The following CASZ1 variants were observed in gnomAD, a reference collection of about 807,000 sequenced individuals.
The protein encoded by CASZ1 is zinc finger protein castor homolog 1.
A neutral mutation model predicts 135.2 loss-of-function variants in CASZ1; 28 were observed. The ratio of observed to expected loss-of-function variants is 0.21; its 90% CI spans 0.15 to 0.28. The LOEUF (loss-of-function observed/expected upper bound fraction) is 0.28, where lower values mean the gene tolerates loss of function less well. Among genes scored for constraint, CASZ1 ranks in the 10% least tolerant of loss-of-function variants. CASZ1 has a pLI of 1.00. For synonymous variants in CASZ1, 1,068 were observed against 1,073.4 expected (o/e 0.99, Z 0.10); for missense variants, 2,161 against 2,453.3 (o/e 0.88, Z 2.52).
chr1:10,666,835 ACTGT>A lies in CASZ1; in HGVS notation c.17-1268_17-1265del, dbSNP rs1033919895. On this transcript the variant is annotated intron_variant, in intron 4 of 20. Coordinates refer to ENST00000377022, the MANE Select transcript of CASZ1 (RefSeq NM_001079843.3). This position sits in a 1 kb window ranked among gnomAD's most constrained non-coding sequence, Gnocchi z 5.2. ...TGCACACACAGCGCAGCCACATGGA[ACTGT>A]CTGTCTGTCCGTCCATTTAGTGAGC... Among the ~76,000 whole-genome samples the A allele has an allele frequency of 3.5e-4, 53 of 152,298 alleles. No homozygotes were observed. The highest frequency in any genetic ancestry group is 2.3e-3 in the Admixed American group (35 of 15,302).
chr1:10,654,637 C>T, intron 9 of CASZ1, 46 bp from the exon 10 acceptor site: 1 of 1,589,874 alleles, frequency 6.3e-7, no homozygotes, highest in Middle Eastern at 1.7e-4. Context: ...GCCAGGTGCT[C>T]CTGGGCCGAG....
intron 9 of CASZ1, 23 bp downstream of exon 9, chr1:10,655,626 G>T (rs1367452168): frequency 1.3e-6 from 2 of 1,599,334 alleles, no homozygotes; most frequent in Non-Finnish European, 1.7e-6. Context: ...CAGCTGCCCA[G>T]TGGGCCCGGG....
chr1:10,717,452 A>G lies in CASZ1; in HGVS notation c.-76-11908T>C, dbSNP rs1194486943. ...TGTGGAGCTGAGTGGTGTGAGCCTC[A>G]CCCTGCTAAATAAAGCTTTGGTATT... On this transcript the variant is annotated intron_variant, in intron 2 of 20. Coordinates refer to ENST00000377022, the MANE Select transcript of CASZ1 (RefSeq NM_001079843.3). The surrounding 1 kb of genome is among the most constrained non-coding windows in gnomAD (Gnocchi z 4.6). 6.6e-6 allele frequency among the ~76,000 whole-genome samples: 1 copy of G among 151,732 alleles called. No homozygotes were observed. The highest frequency in any genetic ancestry group is 2.4e-5 in the African/African-American group (1 of 41,256).
intron 2 of CASZ1, among the ~76,000 whole-genome samples, chr1:10,750,027 G>A (rs142886976): frequency 1.3e-5 from 2 of 152,186 alleles, no homozygotes; most frequent in African/African-American, 4.8e-5. Flanking sequence ...TGGACAGCCG[G>A]CCTGTGTGCA....
At chr1:10,671,883 C>G (rs1643411459) in intron 4 of CASZ1, among the ~76,000 whole-genome samples, 1 of 152,230 alleles carries the variant, frequency 6.6e-6, no homozygotes, top group Non-Finnish European at 1.5e-5. Context: ...CAGAAACACC[C>G]TGCCTTTTCA....
At chr1:10,753,669 G>C (rs995210273) in intron 2 of CASZ1, among the ~76,000 whole-genome samples, 1 of 152,178 alleles carries the variant, frequency 6.6e-6, no homozygotes, top group Non-Finnish European at 1.5e-5. Flanking sequence ...AGAAGGACCG[G>C]GGAAAGGAGG....
At position 10,756,174 on chromosome 1, in the gene CASZ1, A is replaced by C. The variant is rs1242571847; in HGVS notation, c.-77+4527T>G. ...CCTGGGAGAGCCCCACCACTCCCGCAAGCCGCTGCCAGCCTGCACTTCTGC... is the reference window on the plus strand; with the variant it reads ...CCTGGGAGAGCCCCACCACTCCCGCCAGCCGCTGCCAGCCTGCACTTCTGC... On this transcript the variant is annotated intron_variant, in intron 2 of 20. Transcript: ENST00000377022. This position sits in a 1 kb window ranked among gnomAD's most constrained non-coding sequence, Gnocchi z 5.9. Among the ~76,000 whole-genome samples the C allele has an allele frequency of 6.6e-6, 1 of 152,000 alleles. No individual in the cohort carries two copies. The highest frequency in any genetic ancestry group is 1.9e-4 in the East Asian group (1 of 5,146).
intron 6 of CASZ1, among the ~76,000 whole-genome samples, chr1:10,659,082 A>C (rs1367024229): frequency 6.6e-6 from 1 of 151,876 alleles, no homozygotes; most frequent in Admixed American, 6.5e-5. Flanking sequence ...ACCATCCACT[A>C]CTTGACTACC....
At chr1:10,708,012 T>C (rs1206634560) in intron 2 of CASZ1, among the ~76,000 whole-genome samples, 1 of 152,150 alleles carries the variant, frequency 6.6e-6, no homozygotes, top group Admixed American at 6.5e-5. Flanking sequence ...GCCTAAGAAA[T>C]GCCAACACAC....
intron 4 of CASZ1, among the ~76,000 whole-genome samples, chr1:10,688,936 C>T (rs534894725): frequency 2.0e-4 from 31 of 152,256 alleles, no homozygotes; most frequent in African/African-American, 6.7e-4. Context: ...TGGGGACCCA[C>T]GGGCGGTAAT....
rs567215019 is a variant in CASZ1, at chr1:10,755,043, G to A, written c.-77+5658C>T. On this transcript the variant is annotated intron_variant, in intron 2 of 20. Transcript: ENST00000377022. The surrounding 1 kb of genome is among the most constrained non-coding windows in gnomAD (Gnocchi z 4.3). ...TGCTTCGGAGGAAAGCCAAGGAGCCGGACCAGAGAGAAAACTCAGGTGGTG... is the reference window on the plus strand; with the variant it reads ...TGCTTCGGAGGAAAGCCAAGGAGCCAGACCAGAGAGAAAACTCAGGTGGTG... 9.2e-4 allele frequency among the ~76,000 whole-genome samples: 140 copies of A among 152,322 alleles called. 1 individual carries two copies. The highest frequency in any genetic ancestry group is 3.2e-3 in the African/African-American group (135 of 41,568).
At chr1:10,785,714 C>G (rs1187376565) in intron 1 of CASZ1, among the ~76,000 whole-genome samples, 1 of 152,238 alleles carries the variant, frequency 6.6e-6, no homozygotes, top group East Asian at 1.9e-4. Context: ...TTGTCCTCTG[C>G]CCCTTGGCTA....
At chr1:10,736,043 C>T (rs967904439) in intron 2 of CASZ1, among the ~76,000 whole-genome samples, 3 of 152,212 alleles carry the variant, frequency 2.0e-5, no homozygotes, top group African/African-American at 7.2e-5. Flanking sequence ...TGTCCTGCAA[C>T]AGACCACCCC....
In CASZ1 at chr1:10,649,727, C is replaced by A. The variant is rs1335404321; in HGVS notation, c.2881-290G>T. 5 of 358,916 alleles carry A rather than the reference C, an allele frequency of 1.4e-5. No individual in the cohort carries two copies. The South Asian group carries it at 4.0e-4, about 29-fold the overall frequency. The allele number at this position is 358,916 out of a possible 1,614,324, so 22.2% of individuals were successfully genotyped here. A position where few individuals can be genotyped will look rare whatever the true frequency, so the allele number is the denominator to read the frequency against. Reference sequence around the variant, plus strand: ...CCGAGGCCGCGACTCAGGGTGCACGCTGCAGCCCATCTTTCCCCAGACTTC... The same window carrying A: ...CCGAGGCCGCGACTCAGGGTGCACGATGCAGCCCATCTTTCCCCAGACTTC... On this transcript the variant is annotated intron_variant, in intron 13 of 20. Coordinates refer to ENST00000377022, the MANE Select transcript of CASZ1 (RefSeq NM_001079843.3).
In CASZ1 at chr1:10,725,597, A is replaced by C. The variant is rs751913447; in HGVS notation, c.-76-20053T>G. On this transcript the variant is annotated intron_variant, in intron 2 of 20. Coordinates refer to ENST00000377022, the MANE Select transcript of CASZ1 (RefSeq NM_001079843.3). The surrounding 1 kb of genome is among the most constrained non-coding windows in gnomAD (Gnocchi z 4.4). ...GTAATTTTTAGGTAATCCACTCCAG[A>C]TTTTGATATTAACCTTTGAAACTGG... 1.3e-5 allele frequency among the ~76,000 whole-genome samples: 2 copies of C among 152,168 alleles called. No homozygotes were observed. The highest frequency in any genetic ancestry group is 2.9e-5 in the Non-Finnish European group (2 of 68,032).
At position 10,660,286 on chromosome 1, in the gene CASZ1, G is replaced by A. The variant is rs747304606; in HGVS notation, c.756C>T (p.Leu252=). 5 of 1,613,894 alleles carry A rather than the reference G, an allele frequency of 3.1e-6. No homozygotes were observed. Among genetic ancestry groups the A allele is most frequent in the Admixed American group, 3.3e-5 (2 of 60,016 alleles). ...TCTTGGTGCTGGGGGCCGGCCAGGA[G>A]AGCTGCTCGCCAGCCTTGAGCTTGC... ...YIRKLKAGEQ[L]SWPAPSTKTE... The change falls in exon 6 of 21, where the codon CTC becomes CTT. Residue 252 remains leucine, a synonymous_variant. Transcript: ENST00000377022.
chr1:10,758,292 G>A (rs1416352269), intron 2 of CASZ1, among the ~76,000 whole-genome samples: 5 of 150,202 alleles, frequency 3.3e-5, no homozygotes, highest in Non-Finnish European at 3.0e-5. Flanking sequence ...TTGCTGGTGA[G>A]TGACTGACAG....
chr1:10,708,962 A>T (rs1639228519), intron 2 of CASZ1, among the ~76,000 whole-genome samples: 1 of 23,870 alleles, frequency 4.2e-5, no homozygotes, highest in Non-Finnish European at 6.6e-5. Flanking sequence ...CAAGGGATGG[A>T]GGACGGGGAG....
rs1166502963 is a variant in CASZ1 at position 10,653,405 on chromosome 1, G to T, written c.2652C>A (p.Ala884=). 6.2e-7 allele frequency: 1 copy of T among 1,613,176 alleles called. No individual in the cohort carries two copies. The highest frequency in any genetic ancestry group is 8.5e-7 in the Non-Finnish European group (1 of 1,180,030). The part of the protein sequence containing the change: ...SPMMARLAAA[A]LKPSATFDPG... ...GGTCAAAGGTGGCAGAGGGCTTGAG[G>T]GCAGCTGCAGCCAGCCTGGCCATCA... The change falls in exon 11 of 21, where the codon GCC becomes GCA. Residue 884 remains alanine, a synonymous_variant. Transcript: ENST00000377022.
Sources: gnomAD v4.1 joint callset for allele counts (sites outside exome capture counted in the v4.1 genomes callset) on GRCh38, gnomAD v4.1.1 for gene constraint, Gnocchi (gnomAD v3.1) non-coding constraint, MANE v1.5 for transcripts, NCBI Gene and HGNC (gene_info 2026-07-23, HGNC 2026-07-21) for gene names.